Variants in MAST1 observed in about 807,000 individuals in gnomAD.
MAST1 encodes the protein microtubule-associated serine/threonine-protein kinase 1.
In MAST1, 40 loss-of-function variants were observed where a neutral mutation model predicts 124.6. That is an observed-to-expected ratio of 0.32 (90% CI 0.25 to 0.42). MAST1 has a LOEUF of 0.42. MAST1 is among the 10% of genes least tolerant of loss of function. The probability of loss-of-function intolerance (pLI) is 1.00; values close to 1 mark genes in which losing one functional copy is unlikely to be tolerated. For synonymous variants in MAST1, 938 were observed against 939.4 expected (o/e 1.00, Z 0.03); for missense variants, 1,558 against 2,181.9 (o/e 0.71, Z 5.70).
At chr19:12,839,744 G>C (rs1314695846) in intron 1 of MAST1, among the ~76,000 whole-genome samples, 1 of 152,004 alleles carries the variant, frequency 6.6e-6, no homozygotes, top group African/African-American at 2.4e-5. Flanking sequence ...ATACATGTAG[G>C]GGGGATCATG....
In MAST1 at chr19:12,859,704, G is replaced by GGATTGT. The variant is rs200885291; in HGVS notation, c.1366+966_1366+971dup. The stretch of plus-strand genomic sequence containing the variant: ...AGCTACTCACGTGGCTGAAGTGGGA[G>GGATTGT]GATTGTTTAAACACAGGAAGCAGAG... On this transcript the variant is annotated intron_variant, in intron 12 of 25. Coordinates refer to ENST00000251472, the MANE Select transcript of MAST1 (RefSeq NM_014975.3). Among the ~76,000 whole-genome samples, 924 of 151,904 alleles carry GGATTGT rather than the reference G, an allele frequency of 6.1e-3. 13 individuals are homozygous for GGATTGT. Among genetic ancestry groups the GGATTGT allele is most frequent in the African/African-American group, 0.022 (901 of 41,400 alleles).
rs557249365 is a variant in MAST1 at position 12,864,851 on chromosome 19, C to A, written c.1409C>A (p.Pro470His). 1 of 1,614,078 alleles carries A rather than the reference C, an allele frequency of 6.2e-7. No homozygotes were observed. Among genetic ancestry groups the A allele is most frequent in the African/African-American group, 1.3e-5 (1 of 75,034 alleles). Reference sequence around the variant, plus strand: ...CTGCTGAAGAATATTGGAGCGCTGCCCGTAGAGATGGCCCGCATGTACTTT... The same window carrying A: ...CTGCTGAAGAATATTGGAGCGCTGCACGTAGAGATGGCCCGCATGTACTTT... ...ATLLKNIGAL[P>H]VEMARMYFAE... The change falls in exon 13 of 26, where the codon CCC (proline) becomes CAC (histidine). Residue 470 changes from proline to histidine, a missense_variant. Pro to His is a moderately conservative substitution (Grantham distance 77). Coordinates refer to ENST00000251472, the MANE Select transcript of MAST1 (RefSeq NM_014975.3).
chr19:12,847,470 C>A lies in MAST1; in HGVS notation c.488+20C>A. 3 of 1,613,300 alleles carry A rather than the reference C, an allele frequency of 1.9e-6. No homozygotes were observed. The highest frequency in any genetic ancestry group is 2.5e-6 in the Non-Finnish European group (3 of 1,179,732). The stretch of plus-strand genomic sequence containing the variant: ...CCTCAGGTGGGCAGGCATCCCTCCT[C>A]CTTCGTACCAAGCTAGTGGTCTTAG... On this transcript the variant is annotated intron_variant, in intron 5 of 25. Coordinates refer to ENST00000251472, the MANE Select transcript of MAST1 (RefSeq NM_014975.3). This position sits in a 1 kb window ranked among gnomAD's most constrained non-coding sequence, Gnocchi z 5.5.
At chr19:12,848,727 G>C (rs1969927261) in intron 7 of MAST1, 1 of 152,254 alleles carries the variant, frequency 6.6e-6, no homozygotes, top group African/African-American at 2.4e-5. Flanking sequence ...GGAGGCTGAG[G>C]CAAGTGGATC....
Position 12,858,517 on chromosome 19 carries a change from C to T in MAST1, c.1158-14C>T. The T allele has an allele frequency of 1.2e-6, 2 of 1,613,188 alleles. No homozygotes were observed. The highest frequency in any genetic ancestry group is 8.5e-7 in the Non-Finnish European group (1 of 1,179,250). Reference sequence around the variant, plus strand: ...TCGGAGGTGACGGCCGGTCCTCGCTCTCTCCCCCTGCAGCGCTGTCTACCT... The same window carrying T: ...TCGGAGGTGACGGCCGGTCCTCGCTTTCTCCCCCTGCAGCGCTGTCTACCT... On this transcript the variant is annotated splice_polypyrimidine_tract_variant and intron_variant, in intron 11 of 25. Transcript: ENST00000251472.
Position 12,838,754 on chromosome 19 carries a change from C to A in MAST1, c.83+99C>A. The A allele has an allele frequency of 9.3e-7, 1 of 1,080,770 alleles. No individual in the cohort carries two copies. 66.9% of individuals were successfully genotyped at this position (1,080,770 alleles called of 1,614,324 possible). A position where few individuals can be genotyped will look rare whatever the true frequency, so the allele number is the denominator to read the frequency against. On this transcript the variant is annotated intron_variant, in intron 1 of 25. Coordinates refer to ENST00000251472, the MANE Select transcript of MAST1 (RefSeq NM_014975.3). This position sits in a 1 kb window ranked among gnomAD's most constrained non-coding sequence, Gnocchi z 4.3. ...CGGGGCCCGGGATGCTGCGCCCGGT[C>A]CAGCTGCGCCAGAGGTGCCCCAGCT...
In MAST1 at chr19:12,843,465, C is replaced by T. The variant is rs1314461659; in HGVS notation, c.249-64C>T. 1.5e-6 allele frequency: 2 copies of T among 1,355,768 alleles called. No individual in the cohort carries two copies. Among genetic ancestry groups the T allele is most frequent in the Non-Finnish European group, 2.1e-6 (2 of 954,856 alleles). 84.0% of individuals were successfully genotyped at this position (1,355,768 alleles called of 1,614,324 possible). ...TGGCCCTGGCCAGTGGCTTCACCCA[C>T]ACCCTGAGGAGTTGGGGGACCGCTG... On this transcript the variant is annotated intron_variant, in intron 3 of 25. Coordinates refer to ENST00000251472, the MANE Select transcript of MAST1 (RefSeq NM_014975.3). The surrounding 1 kb of genome is among the most constrained non-coding windows in gnomAD (Gnocchi z 4.9).
chr19:12,843,419 A>G lies in MAST1; in HGVS notation c.249-110A>G, dbSNP rs930443884. On this transcript the variant is annotated intron_variant, in intron 3 of 25. Transcript: ENST00000251472. The surrounding 1 kb of genome is among the most constrained non-coding windows in gnomAD (Gnocchi z 4.9). ...CCTTGAGGAATCTTAGAGTGCAGAT[A>G]TATTCCCCCAACCCCCACCCTGGCC... 1 of 744,054 alleles carries G rather than the reference A, an allele frequency of 1.3e-6. No individual in the cohort carries two copies. The highest frequency in any genetic ancestry group is 2.3e-5 in the Admixed American group (1 of 44,372). 46.1% of individuals were successfully genotyped at this position (744,054 alleles called of 1,614,324 possible).
intron 10 of MAST1, among the ~76,000 whole-genome samples, chr19:12,856,397 G>A (rs1238943827): frequency 6.6e-6 from 1 of 151,492 alleles, no homozygotes; most frequent in Admixed American, 6.6e-5. Context: ...CTGCTTCCTG[G>A]GTTCAAGTGG....
At chr19:12,869,751 T>C (rs1487127093) in intron 22 of MAST1, among the ~76,000 whole-genome samples, 1 of 151,446 alleles carries the variant, frequency 6.6e-6, no homozygotes, top group Non-Finnish European at 1.5e-5. Flanking sequence ...TGTTTCTTCA[T>C]CTGCAAAATG....
chr19:12,838,758 C>G lies in MAST1; in HGVS notation c.83+103C>G. The G allele has an allele frequency of 9.3e-7, 1 of 1,074,768 alleles. No individual in the cohort carries two copies. The highest frequency in any genetic ancestry group is 1.3e-6 in the Non-Finnish European group (1 of 765,484). 66.6% of individuals were successfully genotyped at this position (1,074,768 alleles called of 1,614,324 possible). On this transcript the variant is annotated intron_variant, in intron 1 of 25. Transcript: ENST00000251472. The surrounding 1 kb of genome is among the most constrained non-coding windows in gnomAD (Gnocchi z 4.3). The stretch of plus-strand genomic sequence containing the variant: ...GCCCGGGATGCTGCGCCCGGTCCAG[C>G]TGCGCCAGAGGTGCCCCAGCTGCGC...
In MAST1 at chr19:12,841,894, A is replaced by G. The variant is rs1477484599; in HGVS notation, c.248+828A>G. Among the ~76,000 whole-genome samples, 1 of 152,178 alleles carries G rather than the reference A, an allele frequency of 6.6e-6. No individual in the cohort carries two copies. Among genetic ancestry groups the G allele is most frequent in the African/African-American group, 2.4e-5 (1 of 41,434 alleles). On this transcript the variant is annotated intron_variant, in intron 3 of 25. Coordinates refer to ENST00000251472, the MANE Select transcript of MAST1 (RefSeq NM_014975.3). The surrounding 1 kb of genome is among the most constrained non-coding windows in gnomAD (Gnocchi z 4.3). Reference sequence around the variant, plus strand: ...TGACCATGGAATTTAGCTGAGGGCAATAGAGAGCCAGGACAAGGCTCTGGG... The same window carrying G: ...TGACCATGGAATTTAGCTGAGGGCAGTAGAGAGCCAGGACAAGGCTCTGGG...
In MAST1 at chr19:12,838,739, G is replaced by A. The variant is rs1423410317; in HGVS notation, c.83+84G>A. ...GGTACTGCTGCAGGGCGGGGCCCGGGATGCTGCGCCCGGTCCAGCTGCGCC... is the reference window on the plus strand; with the variant it reads ...GGTACTGCTGCAGGGCGGGGCCCGGAATGCTGCGCCCGGTCCAGCTGCGCC... On this transcript the variant is annotated intron_variant, in intron 1 of 25. Coordinates refer to ENST00000251472, the MANE Select transcript of MAST1 (RefSeq NM_014975.3). This position sits in a 1 kb window ranked among gnomAD's most constrained non-coding sequence, Gnocchi z 4.3. 2 of 1,271,172 alleles carry A rather than the reference G, an allele frequency of 1.6e-6. No homozygotes were observed. Among genetic ancestry groups the A allele is most frequent in the Non-Finnish European group, 2.2e-6 (2 of 923,108 alleles). 78.7% of individuals were successfully genotyped at this position (1,271,172 alleles called of 1,614,324 possible).
chr19:12,861,535 G>A (rs1446533320), intron 12 of MAST1, among the ~76,000 whole-genome samples: 8 of 152,132 alleles, frequency 5.3e-5, no homozygotes, highest in South Asian at 2.1e-4. Context: ...CCATGGAGCC[G>A]AAGGCAAGTG....
chr19:12,864,964 C>T lies in MAST1; in HGVS notation c.1505+17C>T, dbSNP rs970131087. ...GCCTGACAAGTGAGCTTTGATCTTT[C>T]CCATCACTCCCTCTGTCCCTCGGGA... On this transcript the variant is annotated intron_variant, in intron 13 of 25. Coordinates refer to ENST00000251472, the MANE Select transcript of MAST1 (RefSeq NM_014975.3). The T allele has an allele frequency of 1.9e-6, 3 of 1,614,068 alleles. No individual in the cohort carries two copies. The highest frequency in any genetic ancestry group is 2.5e-6 in the Non-Finnish European group (3 of 1,179,960).
chr19:12,868,103 A>ATTTTTTTTTTGTTTTTTTT (rs1970182121), intron 20 of MAST1, 126 bp downstream of exon 20: 1 of 291,088 alleles, frequency 3.4e-6, no homozygotes, highest in Admixed American at 9.1e-5. Flanking sequence ...GCAATTTGGG[A>ATTTTTTTTTTGTTTTTTTT]TTTTTTTTTT....
At chr19:12,853,640 G>T (rs922135025) in intron 10 of MAST1, among the ~76,000 whole-genome samples, 4 of 151,928 alleles carry the variant, frequency 2.6e-5, no homozygotes, top group African/African-American at 9.7e-5. Flanking sequence ...GGCCAAGATG[G>T]GTGGATCACT....
intron 22 of MAST1, among the ~76,000 whole-genome samples, chr19:12,869,550 C>G (rs1970205296): frequency 6.6e-6 from 1 of 152,168 alleles, no homozygotes; most frequent in Non-Finnish European, 1.5e-5. Flanking sequence ...TCTCCTGCCT[C>G]AACCTTCTGA....
chr19:12,871,237 G>A, intron 24 of MAST1, 65 bp downstream of exon 24: 1 of 1,601,112 alleles, frequency 6.2e-7, no homozygotes, highest in East Asian at 2.2e-5. Flanking sequence ...GAGGGGCACA[G>A]ATGAGGATGG....
Sources: allele counts gnomAD v4.1 joint callset (sites outside exome capture counted in the v4.1 genomes callset), GRCh38; gene constraint gnomAD v4.1.1; non-coding constraint Gnocchi (gnomAD v3.1); transcripts MANE v1.5; gene names NCBI Gene and HGNC (gene_info 2026-07-23, HGNC 2026-07-21).